ANKRD17: variants seen among roughly 807,000 people sequenced by gnomAD.
The protein encoded by ANKRD17 is ankyrin repeat domain 17.
In ANKRD17, 19 loss-of-function variants were observed where a neutral mutation model predicts 229.7. That is an observed-to-expected ratio of 0.08 (90% CI 0.06 to 0.12). ANKRD17 has a LOEUF of 0.12. ANKRD17 is among the 10% of genes least tolerant of loss of function. ANKRD17 has a pLI of 1.00. For synonymous variants in ANKRD17, 1,112 were observed against 1,146.1 expected (o/e 0.97, Z 0.60); for missense variants, 2,176 against 3,176.8 (o/e 0.68, Z 7.57).
intron 1 of ANKRD17, among the ~76,000 whole-genome samples, chr4:73,229,711 A>T (rs954883188): frequency 1.3e-5 from 2 of 151,074 alleles, no homozygotes; most frequent in African/African-American, 2.4e-5. Context: ...TCTACCCTTT[A>T]AAAAAAAATC....
chr4:73,181,310 T>C (rs1735513374), intron 1 of ANKRD17, among the ~76,000 whole-genome samples: 1 of 152,216 alleles, frequency 6.6e-6, no homozygotes. Context: ...CCAGCCTTGC[T>C]ATGTAGGACC....
At chr4:73,191,843 A>C (rs1314522998) in intron 1 of ANKRD17, among the ~76,000 whole-genome samples, 2 of 152,078 alleles carry the variant, frequency 1.3e-5, no homozygotes, top group Admixed American at 6.5e-5. Context: ...CAGAATCTAA[A>C]ATCAACATTT....
At chr4:73,167,509 G>T (rs915086141) in intron 2 of ANKRD17, among the ~76,000 whole-genome samples, 1 of 152,090 alleles carries the variant, frequency 6.6e-6, no homozygotes, top group African/African-American at 2.4e-5. Context: ...GCCTCTTGGG[G>T]CCACAGAAAA....
chr4:73,112,529 A>G (rs889204382), intron 24 of ANKRD17: 3 of 371,412 alleles, frequency 8.1e-6, no homozygotes, highest in African/African-American at 6.6e-5. Context: ...ATAAACCACA[A>G]ATTTTTAAAA....
chr4:73,103,801 T>A (rs539530124), intron 24 of ANKRD17, among the ~76,000 whole-genome samples: 1 of 150,862 alleles, frequency 6.6e-6, no homozygotes, highest in African/African-American at 2.4e-5. Context: ...ATACTCTCTG[T>A]CCTGCCTTTC....
intron 27 of ANKRD17, 148 bp from the exon 28 acceptor site, chr4:73,094,376 T>C: frequency 1.4e-6 from 1 of 723,702 alleles, no homozygotes; most frequent in East Asian, 2.7e-5. Context: ...TTACTCTAGA[T>C]GAACAGAGAA....
chr4:73,091,790 C>A lies in ANKRD17; in HGVS notation c.5838G>T (p.Val1946=). 1 of 1,614,150 alleles carries A rather than the reference C, an allele frequency of 6.2e-7. No individual in the cohort carries two copies. The highest frequency in any genetic ancestry group is 8.5e-7 in the Non-Finnish European group (1 of 1,180,034). ...TGCTATTCTGATTGCTATGGCGAGG[C>A]ACCATGTGAGGCTTAGGCGAGTTAG... ...RATNSPKPHM[V]PRHSNQNSSG... is the part of the protein sequence containing the mutation. The change falls in exon 29 of 34, where the codon GTG becomes GTT. Residue 1946 remains valine, a synonymous_variant. Coordinates refer to ENST00000358602, the MANE Select transcript of ANKRD17 (RefSeq NM_032217.5).
At chr4:73,171,089 C>T in intron 2 of ANKRD17, among the ~76,000 whole-genome samples, 1 of 151,638 alleles carries the variant, frequency 6.6e-6, no homozygotes, top group East Asian at 2.0e-4. Context: ...GCTCTGCTGG[C>T]TTCAAGTCTC....
intron 24 of ANKRD17, among the ~76,000 whole-genome samples, chr4:73,107,524 G>A (rs1406304618): frequency 1.3e-5 from 2 of 152,174 alleles, no homozygotes; most frequent in Admixed American, 6.5e-5. Flanking sequence ...GTAAAAAAGG[G>A]GAAAAGAGCA....
chr4:73,182,700 C>T (rs1735739457), intron 1 of ANKRD17, among the ~76,000 whole-genome samples: 2 of 152,190 alleles, frequency 1.3e-5, no homozygotes, highest in African/African-American at 2.4e-5. Context: ...CAATAATCTA[C>T]TAGAACTTTT....
intron 1 of ANKRD17, among the ~76,000 whole-genome samples, chr4:73,251,581 C>A (rs1745033236): frequency 4.4e-5 from 1 of 22,604 alleles, no homozygotes. Context: ...GTAGGTTACA[C>A]CATGGATGTT....
chr4:73,104,217 C>T (rs1390460270), intron 24 of ANKRD17: 1 of 152,112 alleles, frequency 6.6e-6, no homozygotes, highest in East Asian at 1.9e-4. Flanking sequence ...GAGCTTTTAC[C>T]CCTGCTGAAG....
chr4:73,174,934 A>G (rs1331238522), intron 2 of ANKRD17, among the ~76,000 whole-genome samples: 2 of 152,246 alleles, frequency 1.3e-5, no homozygotes, highest in Non-Finnish European at 2.9e-5. Context: ...GACACAAGAA[A>G]AATGGGAAAA....
At chr4:73,107,990 G>C (rs6850870) in intron 24 of ANKRD17, among the ~76,000 whole-genome samples, 53,827 of 151,968 alleles carry the variant, frequency 0.35, 11,232 homozygotes, top group East Asian at 0.52. Flanking sequence ...ATGGTGAGAA[G>C]TGATTAAGAT....
chr4:73,120,564 G>GA (rs937663513), intron 20 of ANKRD17, among the ~76,000 whole-genome samples: 4 of 143,062 alleles, frequency 2.8e-5, no homozygotes, highest in Middle Eastern at 3.5e-3. Flanking sequence ...AAGAAAGAAA[G>GA]AAAAAAAAAT....
intron 23 of ANKRD17, among the ~76,000 whole-genome samples, chr4:73,115,608 G>T (rs1447854223): frequency 6.6e-6 from 1 of 151,972 alleles, no homozygotes; most frequent in Non-Finnish European, 1.5e-5. Flanking sequence ...TATTTTTAAA[G>T]ATAAGGTAAT....
chr4:73,156,969 T>G (rs1731746414), intron 3 of ANKRD17, among the ~76,000 whole-genome samples: 1 of 152,184 alleles, frequency 6.6e-6, no homozygotes, highest in South Asian at 2.1e-4. Flanking sequence ...ATCTACATAT[T>G]AATGGCACTG....
At chr4:73,081,662 T>C (rs1222802671) in intron 30 of ANKRD17, among the ~76,000 whole-genome samples, 2 of 152,134 alleles carry the variant, frequency 1.3e-5, no homozygotes, top group Non-Finnish European at 2.9e-5. Context: ...CTTACAAAAT[T>C]TTGGGAACCT....
chr4:73,091,951 C>A lies in ANKRD17; in HGVS notation c.5677G>T (p.Ala1893Ser). 6.2e-7 allele frequency: 1 copy of A among 1,614,200 alleles called. No individual in the cohort carries two copies. The highest frequency in any genetic ancestry group is 8.5e-7 in the Non-Finnish European group (1 of 1,180,044). Residue 1893 changes from alanine (A) to serine (S), a missense_variant, in exon 29 of 34, where the codon GCT becomes TCT. By Grantham distance (99) the Ala-to-Ser change is moderately conservative. This residue lies in a region of ANKRD17 where 142 missense variants were observed against 200.4 expected (regional missense o/e 0.71). Coordinates refer to ENST00000358602, the MANE Select transcript of ANKRD17 (RefSeq NM_032217.5). ...LAYPPPQFAH[A>S]LLAAQTFQQI... Reference sequence around the variant, plus strand: ...TGGAAAGTCTGAGCAGCAAGCAAAGCATGTGCAAACTGTGGAGGAGGATAT... The same window carrying A: ...TGGAAAGTCTGAGCAGCAAGCAAAGAATGTGCAAACTGTGGAGGAGGATAT...
Sources: allele counts gnomAD v4.1 joint callset (sites outside exome capture counted in the v4.1 genomes callset), GRCh38; gene constraint gnomAD v4.1.1; regional missense constraint gnomAD v4.1.1; transcripts MANE v1.5; gene names NCBI Gene and HGNC (gene_info 2026-07-23, HGNC 2026-07-21).